The following ANXA4 variants were observed in gnomAD, a reference collection of about 807,000 sequenced individuals.
The protein encoded by ANXA4 is 35-beta calcimedin.
Under a neutral mutation model 49.8 loss-of-function variants are expected in ANXA4, and 39 were observed. The observed-to-expected ratio is 0.78, with a 90% confidence interval of 0.61 to 1.02. The LOEUF (loss-of-function observed/expected upper bound fraction) is 1.02, where lower values mean the gene tolerates loss of function less well. ANXA4 is among the 50% of genes least tolerant of loss of function. ANXA4 has a pLI of 0.00. For synonymous variants in ANXA4, 134 were observed against 152.5 expected, an observed-to-expected ratio of 0.88 and a Z score of 0.89; for missense variants, 360 against 410.1, an observed-to-expected ratio of 0.88 and a Z score of 1.05.
chr2:69,703,981 A>G (rs1678413044), intron 2 of ANXA4, among the ~76,000 whole-genome samples: 1 of 152,124 alleles, frequency 6.6e-6, no homozygotes, highest in African/African-American at 2.4e-5. Context: ...GTATTTAAAT[A>G]TTTAATCTAA....
chr2:69,742,902 A>C (rs1670459124), intron 1 of ANXA4, among the ~76,000 whole-genome samples: 1 of 152,232 alleles, frequency 6.6e-6, no homozygotes, highest in Admixed American at 6.5e-5. Flanking sequence ...TCTCCTGCTG[A>C]CAGTGGGAAG....
intron 2 of ANXA4, among the ~76,000 whole-genome samples, chr2:69,669,966 G>C (rs1342126603): frequency 1.3e-5 from 2 of 152,194 alleles, no homozygotes; most frequent in Admixed American, 6.5e-5. Flanking sequence ...TCTGGGAAGA[G>C]TTGGGGGGAA....
rs561372026 is a variant in ANXA4, at chr2:69,752,658, G to A, written c.-47+10483G>A. On this transcript the variant is annotated intron_variant, in intron 1 of 12. Transcript: ENST00000394295. The stretch of plus-strand genomic sequence containing the variant: ...ATACCTGCCTCCTCTCTTCAGCTTT[G>A]AGCTCCACTGAGGGCAGGGACGATG... Among the ~76,000 whole-genome samples the A allele has an allele frequency of 2.0e-5, 3 of 152,306 alleles. No homozygotes were observed. The South Asian group carries it at 6.2e-4, about 32-fold the overall frequency.
chr2:69,665,842 G>A (rs567059200), intron 2 of ANXA4, among the ~76,000 whole-genome samples: 1 of 152,130 alleles, frequency 6.6e-6, no homozygotes, highest in Admixed American at 6.6e-5. Flanking sequence ...GTCTGATAAG[G>A]TACTTGTACT....
At chr2:69,810,841 T>C (rs1197071265) in intron 7 of ANXA4, 168 bp downstream of exon 7, 1 of 603,642 alleles carries the variant, frequency 1.7e-6, no homozygotes, top group East Asian at 2.8e-5. Flanking sequence ...CTCTGGCTAA[T>C]CCTGCCTGCC....
chr2:69,773,186 TA>T, intron 1 of ANXA4, among the ~76,000 whole-genome samples: 1 of 152,210 alleles, frequency 6.6e-6, no homozygotes, highest in South Asian at 2.1e-4. Flanking sequence ...TCTTTTTCCT[TA>T]AGTGAAATAT....
intron 3 of ANXA4, among the ~76,000 whole-genome samples, chr2:69,797,160 C>T (rs1672981473): frequency 6.6e-6 from 1 of 152,026 alleles, no homozygotes; most frequent in Non-Finnish European, 1.5e-5. Context: ...AGAGGAGTGC[C>T]GGCTGAAGAT....
chr2:69,698,310 A>G (rs1678221961), intron 2 of ANXA4, among the ~76,000 whole-genome samples: 1 of 152,218 alleles, frequency 6.6e-6, no homozygotes, highest in South Asian at 2.1e-4. Flanking sequence ...TTTGCGGGAC[A>G]CAAACATTCA....
intron 2 of ANXA4, among the ~76,000 whole-genome samples, chr2:69,665,981 G>C (rs1676917818): frequency 6.6e-6 from 1 of 152,160 alleles, no homozygotes; most frequent in Admixed American, 6.5e-5. Flanking sequence ...GAGGCAGGCG[G>C]ATCACAATGT....
intron 8 of ANXA4, among the ~76,000 whole-genome samples, chr2:69,813,535 G>A (rs986833661): frequency 4.6e-5 from 7 of 152,088 alleles, no homozygotes; most frequent in African/African-American, 1.7e-4. Flanking sequence ...ACAGGCATGA[G>A]CCATCGCGCG....
intron 1 of ANXA4, among the ~76,000 whole-genome samples, chr2:69,746,306 G>A (rs1020520648): frequency 2.0e-5 from 3 of 152,096 alleles, no homozygotes; most frequent in East Asian, 1.9e-4. Context: ...CACTGCGCCC[G>A]GCCAAGGATA....
At chr2:69,711,006 T>C (rs921430629) in intron 2 of ANXA4, among the ~76,000 whole-genome samples, 11 of 152,286 alleles carry the variant, frequency 7.2e-5, no homozygotes, top group African/African-American at 2.4e-4. Context: ...CAAAAACCTG[T>C]ATATGAATAT....
At chr2:69,817,692 A>G (rs1180546213) in intron 9 of ANXA4, 1 of 152,238 alleles carries the variant, frequency 6.6e-6, no homozygotes, top group Non-Finnish European at 1.5e-5. Context: ...TTTTATTTCT[A>G]AAGCAGAGTT....
At chr2:69,729,641 G>C (rs552100610) in intron 3 of ANXA4, among the ~76,000 whole-genome samples, 1 of 152,226 alleles carries the variant, frequency 6.6e-6, no homozygotes, top group South Asian at 2.1e-4. Flanking sequence ...GCTATTCTCG[G>C]GAAATCCCAG....
At chr2:69,810,467 G>T in intron 6 of ANXA4, 127 bp from the exon 7 acceptor site, 1 of 739,068 alleles carries the variant, frequency 1.4e-6, no homozygotes, top group Non-Finnish European at 2.4e-6. Context: ...TGTGTGGGGT[G>T]AAAAAACCTC....
chr2:69,801,674 G>A (rs548245911), intron 3 of ANXA4, among the ~76,000 whole-genome samples: 1 of 152,020 alleles, frequency 6.6e-6, no homozygotes, highest in Non-Finnish European at 1.5e-5. Context: ...AAAGTGCTAG[G>A]ATTACAGGCA....
upstream of ANXA4, chr2:69,643,851 T>G: frequency 8.5e-7 from 1 of 1,179,794 alleles, no homozygotes; most frequent in Non-Finnish European, 1.0e-6. Context: ...GACCGGGGCC[T>G]CTCCTGCAAC....
At chr2:69,737,507 T>C (rs149397344), upstream of ANXA4, among the ~76,000 whole-genome samples, 151 of 152,352 alleles carry the variant, frequency 9.9e-4, no homozygotes, top group African/African-American at 3.4e-3. Flanking sequence ...CTTTATCTTC[T>C]TAACATTCTA....
intron 2 of ANXA4, 44 bp from the exon 3 acceptor site, chr2:69,788,010 G>A (rs1478282227): frequency 1.3e-6 from 2 of 1,514,012 alleles, no homozygotes; most frequent in East Asian, 2.3e-5. Flanking sequence ...CTCCGTGTTG[G>A]TGAGAGGCTG....
Sources: allele counts gnomAD v4.1 joint callset (sites outside exome capture counted in the v4.1 genomes callset), GRCh38; gene constraint gnomAD v4.1.1; transcripts MANE v1.5; gene names NCBI Gene and HGNC (gene_info 2026-07-23, HGNC 2026-07-21).